NAALADL2: variants seen among roughly 807,000 people sequenced by gnomAD.
NAALADL2 encodes the protein N-acetylated alpha-linked acidic dipeptidase like 2, also known as inactive N-acetylated-alpha-linked acidic dipeptidase-like protein 2.
Under a neutral mutation model 87.2 loss-of-function variants are expected in NAALADL2, and 76 were observed. That is an observed-to-expected ratio of 0.87 (90% CI 0.72 to 1.05). NAALADL2 has a LOEUF of 1.05. Ranked by LOEUF, NAALADL2 falls within the 50% of genes least tolerant of loss-of-function variation. The probability of loss-of-function intolerance (pLI) is 0.00; values close to 1 mark genes in which losing one functional copy is unlikely to be tolerated. For missense variants in NAALADL2, 1,089 were observed against 945.8 expected (o/e 1.15, Z -1.99); for synonymous variants, 354 against 331.0 (o/e 1.07, Z -0.75).
chr3:174,712,569 G>A (rs370490755), intron 2 of NAALADL2, among the ~76,000 whole-genome samples: 1 of 151,168 alleles, frequency 6.6e-6, no homozygotes. Flanking sequence ...TATACATTTA[G>A]TAGAGACGGG....
intron 1 of NAALADL2, among the ~76,000 whole-genome samples, chr3:174,532,054 T>A (rs1026421498): frequency 6.6e-6 from 1 of 152,190 alleles, no homozygotes; most frequent in African/African-American, 2.4e-5. Context: ...ATGAAATCAT[T>A]GCAAGTACAG....
chr3:175,017,471 A>T (rs1750992343), intron 1 of NAALADL2, among the ~76,000 whole-genome samples: 1 of 152,086 alleles, frequency 6.6e-6, no homozygotes, highest in South Asian at 2.1e-4. Context: ...AACAGGGAGA[A>T]GGTCATACAA....
chr3:175,013,083 C>CATATAAATATGTAATAT lies in NAALADL2; in HGVS notation c.44-83703_44-83702insAAATATGTAATATATAT, dbSNP rs1750129464. On this transcript the variant is annotated intron_variant, in intron 1 of 13. Transcript: ENST00000454872. ...TACACATATATATAAATATGTAATA[C>CATATAAATATGTAATAT]ATATTTATATATAAATATACATATT... Among the ~76,000 whole-genome samples the CATATAAATATGTAATAT allele has an allele frequency of 3.0e-5, 2 of 67,778 alleles. 1 individual carries two copies. Among genetic ancestry groups the CATATAAATATGTAATAT allele is most frequent in the African/African-American group, 2.2e-4 (2 of 9,224 alleles). 44.5% of individuals were successfully genotyped at this position (67,778 alleles called of 152,430 possible).
At chr3:174,578,163 G>C (rs1715752503) in intron 2 of NAALADL2, among the ~76,000 whole-genome samples, 1 of 151,948 alleles carries the variant, frequency 6.6e-6, no homozygotes, top group South Asian at 2.1e-4. Context: ...TAGCATATCT[G>C]TATTTGCTAT....
intron 3 of NAALADL2, among the ~76,000 whole-genome samples, chr3:175,237,485 C>A (rs1746104101): frequency 6.6e-6 from 1 of 152,178 alleles, no homozygotes; most frequent in Admixed American, 6.5e-5. Flanking sequence ...TTCTCCACCC[C>A]CAGCCTCTCT....
intron 3 of NAALADL2, among the ~76,000 whole-genome samples, chr3:174,832,462 T>C (rs1722835429): frequency 6.6e-6 from 1 of 152,082 alleles, no homozygotes; most frequent in African/African-American, 2.4e-5. Flanking sequence ...GATTGCCCTG[T>C]GGTGTTGTTG....
intron 1 of NAALADL2, among the ~76,000 whole-genome samples, chr3:174,898,112 CAAAAA>C (rs913382744): frequency 2.6e-3 from 37 of 14,490 alleles, no homozygotes; most frequent in African/African-American, 7.9e-3. Flanking sequence ...GACTCCGTCT[CAAAAA>C]AAAAAAAAAA....
intron 2 of NAALADL2, among the ~76,000 whole-genome samples, chr3:174,717,307 A>G (rs551047086): frequency 6.6e-6 from 1 of 152,220 alleles, no homozygotes; most frequent in South Asian, 2.1e-4. Context: ...GAAGTAATTA[A>G]TTCAGGAAGG....
At chr3:175,733,833 G>C (rs1301537888) in intron 11 of NAALADL2, among the ~76,000 whole-genome samples, 1 of 152,182 alleles carries the variant, frequency 6.6e-6, no homozygotes. Flanking sequence ...GGGGCTACAG[G>C]CTCCATGCAA....
intron 5 of NAALADL2, among the ~76,000 whole-genome samples, chr3:175,347,098 T>C (rs1314724926): frequency 6.6e-6 from 1 of 152,198 alleles, no homozygotes; most frequent in African/African-American, 2.4e-5. Flanking sequence ...GCTATTACAT[T>C]GGGCTGCCTT....
chr3:175,331,701 G>A (rs1343143603), intron 5 of NAALADL2, among the ~76,000 whole-genome samples: 1 of 152,126 alleles, frequency 6.6e-6, no homozygotes, highest in African/African-American at 2.4e-5. Flanking sequence ...AAAAGACATG[G>A]ATGTCCACTT....
intron 3 of NAALADL2, among the ~76,000 whole-genome samples, chr3:174,820,439 T>C (rs754211459): frequency 6.6e-6 from 1 of 152,192 alleles, no homozygotes; most frequent in Non-Finnish European, 1.5e-5. Context: ...ATATAATTTA[T>C]CAGAATTTCT....
rs988300699 is a variant in NAALADL2, at chr3:175,351,358, T to A, written c.1090+27033T>A. Among the ~76,000 whole-genome samples, 3 of 152,108 alleles carry A rather than the reference T, an allele frequency of 2.0e-5. 1 individual carries two copies. The South Asian group carries it at 6.2e-4, about 31-fold the overall frequency. ...CTGATGTGCATATATATGTGTAATT[T>A]TAGTTTCATACATGAAATACTTTAT... is the stretch of plus-strand genomic sequence containing the variant. On this transcript the variant is annotated intron_variant, in intron 5 of 13. Coordinates refer to ENST00000454872, the MANE Select transcript of NAALADL2 (RefSeq NM_207015.3).
At chr3:174,544,017 A>T (rs994141901) in intron 1 of NAALADL2, among the ~76,000 whole-genome samples, 8 of 151,960 alleles carry the variant, frequency 5.3e-5, no homozygotes, top group Admixed American at 3.9e-4. Context: ...TCCAAAAAAA[A>T]AAAAAGAAAA....
rs1281852288 is a variant in NAALADL2, at chr3:174,651,344, G to A, written c.-114-86297G>A. 3.3e-5 allele frequency among the ~76,000 whole-genome samples: 5 copies of A among 152,222 alleles called. No homozygotes were observed. In the South Asian group the frequency reaches 6.2e-4, roughly 19 times the overall value. ...AGGACAACTCAGTTTATTATGTAGC[G>A]TATTTGAGGACCAAACAAAACTTGG... On this transcript the variant is annotated intron_variant, in intron 2 of 3. Transcript: ENST00000434257.
At chr3:174,451,843 GTTTTTTTT>G (rs764587503) in intron 1 of NAALADL2, among the ~76,000 whole-genome samples, 19 of 98,090 alleles carry the variant, frequency 1.9e-4, no homozygotes, top group Admixed American at 9.3e-4. Flanking sequence ...GATAGTGGGA[GTTTTTTTT>G]TTTTTTTTTT....
At chr3:175,613,399 T>A in intron 10 of NAALADL2, among the ~76,000 whole-genome samples, 1 of 152,242 alleles carries the variant, frequency 6.6e-6, no homozygotes, top group East Asian at 1.9e-4. Context: ...TTAAAATTAC[T>A]GAAGAATGGG....
chr3:174,462,023 T>A (rs1716245659), intron 1 of NAALADL2, among the ~76,000 whole-genome samples: 1 of 152,092 alleles, frequency 6.6e-6, no homozygotes, highest in Admixed American at 6.5e-5. Flanking sequence ...GGAATTTGTC[T>A]TATAATAAGA....
chr3:174,466,314 C>T lies in NAALADL2; in HGVS notation c.-184+25282C>T, dbSNP rs79880727. Among the ~76,000 whole-genome samples, 257 of 148,550 alleles carry T rather than the reference C, an allele frequency of 1.7e-3. 1 individual carries two copies. The highest frequency in any genetic ancestry group is 6.2e-3 in the African/African-American group (249 of 39,872). On this transcript the variant is annotated intron_variant, in intron 1 of 3. Coordinates refer to the NAALADL2 transcript ENST00000434257. ...TTTGCTCATCAGCTATCCTTGATGC[C>T]AGTGTATTTTATGTGTGGCCCAAGA...
Sources: gnomAD v4.1 joint callset for allele counts (sites outside exome capture counted in the v4.1 genomes callset) on GRCh38, gnomAD v4.1.1 for gene constraint, MANE v1.5 for transcripts, NCBI Gene and HGNC (gene_info 2026-07-23, HGNC 2026-07-21) for gene names.